MUC5AC: variants seen among roughly 807,000 people sequenced by gnomAD.
MUC5AC encodes the protein mucin-5AC.
In MUC5AC, 158 loss-of-function variants were observed where a neutral mutation model predicts 169.7. The ratio of observed to expected loss-of-function variants is 0.93; its 90% CI spans 0.82 to 1.06. MUC5AC has a LOEUF of 1.06. Ranked by LOEUF, MUC5AC falls within the 50% of genes least tolerant of loss-of-function variation. MUC5AC has a pLI of 0.00. For missense variants in MUC5AC, 4,359 were observed against 3,089.9 expected (o/e 1.41, Z -9.74); for synonymous variants, 1,975 against 1,237.0 (o/e 1.60, Z -12.52).
rs1223473206 is a variant in MUC5AC at position 1,183,902 on chromosome 11, G to A, written c.5757G>A (p.Pro1919=). 1.6e-4 allele frequency: 66 copies of A among 401,378 alleles called. 2 individuals are homozygous for A. In the Admixed American group the frequency reaches 2.4e-3, roughly 15 times the overall value. The allele number at this position is 401,378 out of a possible 1,614,324, so 24.9% of individuals were successfully genotyped here. ...TFSTPSPPPV[P]ATSTSSMSTT... ...CAACTCCCAGCCCTCCGCCAGTGCC[G>A]GCAACATCAACATCATCCATGTCGA... Residue 1919 remains proline (P), a synonymous_variant, in exon 31 of 49, where the codon CCG becomes CCA. Transcript: ENST00000621226.
chr11:1,183,969 C>T lies in MUC5AC; in HGVS notation c.5824C>T (p.Pro1942Ser). The change falls in exon 31 of 49, where the codon CCC becomes TCC. Residue 1942 changes from proline (P) to serine (S), a missense_variant. Transcript: ENST00000621226. ...GTSVVSSKPTPTEPSTSSCLQ... is the reference protein window; with the variant it reads ...GTSVVSSKPTSTEPSTSSCLQ... ...CTCTGTGGTCTCCAGCAAGCCCACC[C>T]CCACGGAGCCCAGCACATCCTCCTG... 2.5e-6 allele frequency: 1 copy of T among 395,266 alleles called. No individual in the cohort carries two copies. Among genetic ancestry groups the T allele is most frequent in the East Asian group, 3.6e-5 (1 of 27,986 alleles). The allele number at this position is 395,266 out of a possible 1,614,324, so 24.5% of individuals were successfully genotyped here.
chr11:1,187,446 A>G lies in MUC5AC; in HGVS notation c.9301A>G (p.Thr3101Ala). ...AATCTCGGCCCCAACAACCAGCACA[A>G]CGTCTGCTCCTACAACCAGCACAAC... ...STISAPTTST[T>A]SAPTTSTTSA... Residue 3101 changes from threonine (T) to alanine (A), a missense_variant, in exon 31 of 49, where the codon ACG becomes GCG. By Grantham distance (58) the Thr-to-Ala change is moderately conservative. Coordinates refer to ENST00000621226, the MANE Select transcript of MUC5AC (RefSeq NM_001304359.2). 1.4e-6 allele frequency: 1 copy of G among 729,174 alleles called. No individual in the cohort carries two copies. Among genetic ancestry groups the G allele is most frequent in the Non-Finnish European group, 2.5e-6 (1 of 400,144 alleles). 45.2% of individuals were successfully genotyped at this position (729,174 alleles called of 1,614,324 possible).
At chr11:1,175,376 T>TCCA in intron 19 of MUC5AC, 106 bp downstream of exon 19, 1 of 398,194 alleles carries the variant, frequency 2.5e-6, no homozygotes, top group Non-Finnish European at 4.4e-6. Flanking sequence ...GCGGGGCTGG[T>TCCA]GGTTGTCCAT....
In MUC5AC at chr11:1,196,908, G is replaced by A. The variant is rs781295302; in HGVS notation, c.15861G>A (p.Lys5287=). 2 of 762,980 alleles carry A rather than the reference G, an allele frequency of 2.6e-6. No homozygotes were observed. The highest frequency in any genetic ancestry group is 1.4e-5 in the South Asian group (1 of 73,964). The allele number at this position is 762,980 out of a possible 1,614,324, so 47.3% of individuals were successfully genotyped here. A position where few individuals can be genotyped will look rare whatever the true frequency, so the allele number is the denominator to read the frequency against. The part of the protein sequence containing the change: ...RCLGPHGEPV[K]VGHTVGMDCQ... The stretch of plus-strand genomic sequence containing the variant: ...TGGGGCCCCACGGAGAGCCGGTGAA[G>A]GTGAGTGGAAGGCATGGCCCAAGAG... The change falls in exon 40 of 49, where the codon AAG becomes AAA. Residue 5287 remains lysine (K), a splice_region_variant and synonymous_variant. Coordinates refer to ENST00000621226, the MANE Select transcript of MUC5AC (RefSeq NM_001304359.2).
intron 15 of MUC5AC, among the ~76,000 whole-genome samples, chr11:1,170,190 T>C (rs1388701921): frequency 1.1e-4 from 2 of 17,830 alleles, no homozygotes; most frequent in Non-Finnish European, 1.0e-4. Flanking sequence ...CATTCACCCA[T>C]TCACTCACTC....
chr11:1,175,900 C>T (rs1329514786), intron 19 of MUC5AC, among the ~76,000 whole-genome samples: 3 of 143,232 alleles, frequency 2.1e-5, no homozygotes, highest in Non-Finnish European at 4.5e-5. Context: ...CACACACCCA[C>T]ACATGCACAC....
intron 23 of MUC5AC, 26 bp from the exon 24 acceptor site, chr11:1,177,428 G>T (rs1860714624): frequency 5.0e-6 from 2 of 400,480 alleles, no homozygotes; most frequent in Non-Finnish European, 8.8e-6. Context: ...CTTGCTGGGG[G>T]CCCTGAGTGA....
chr11:1,160,663 T>C lies in MUC5AC; in HGVS notation c.125T>C (p.Leu42Pro), dbSNP rs1860114360. The change falls in exon 2 of 49, where the codon CTC becomes CCC. Residue 42 changes from leucine to proline, a missense_variant. Leu to Pro is a moderately conservative substitution (Grantham distance 98). Transcript: ENST00000621226. Reference sequence around the variant, plus strand: ...TCCAGCTACAAGCACCACCCTGCCCTCTCTCCTATCGCCCGGGGGCCCAGC... The same window carrying C: ...TCCAGCTACAAGCACCACCCTGCCCCCTCTCCTATCGCCCGGGGGCCCAGC... The part of the protein sequence containing the change: ...SESSYKHHPA[L>P]SPIARGPSGV... The C allele has an allele frequency of 1.2e-6, 2 of 1,610,638 alleles. No homozygotes were observed. The highest frequency in any genetic ancestry group is 1.7e-6 in the Non-Finnish European group (2 of 1,179,594).
At chr11:1,170,435 A>C (rs1316211244) in intron 15 of MUC5AC, among the ~76,000 whole-genome samples, 1 of 129,926 alleles carries the variant, frequency 7.7e-6, no homozygotes, top group Non-Finnish European at 1.7e-5. Flanking sequence ...CCATTCACCC[A>C]TTCACCCACT....
rs377706617 is a variant in MUC5AC at position 1,192,416 on chromosome 11, C to A, written c.14271C>A (p.Ser4757=). Residue 4757 remains serine, a synonymous_variant, in exon 31 of 49, where the codon TCC becomes TCA. Transcript: ENST00000621226. ...LYPSLSTSMV[S]ASVASTSVAS... ...CTTCCCTGTCTACTTCCATGGTATC[C>A]GCCTCCGTGGCATCCACCTCTGTGG... 1 of 765,032 alleles carries A rather than the reference C, an allele frequency of 1.3e-6. No individual in the cohort carries two copies. The allele number at this position is 765,032 out of a possible 1,614,324, so 47.4% of individuals were successfully genotyped here. A position where few individuals can be genotyped will look rare whatever the true frequency, so the allele number is the denominator to read the frequency against.
rs1366904924 is a variant in MUC5AC at position 1,190,186 on chromosome 11, A to G, written c.12041A>G (p.His4014Arg). The G allele has an allele frequency of 7.1e-4, 540 of 764,376 alleles. No individual in the cohort carries two copies. In the African/African-American group the frequency reaches 7.8e-3, roughly 11 times the overall value. 47.3% of individuals were successfully genotyped at this position (764,376 alleles called of 1,614,324 possible). The part of the protein sequence containing the change: ...AESHPEVSIE[H>R]LGQVVQCSRE... ...AGCCACCCGGAGGTGAGCATCGAAC[A>G]CCTGGGCCAGGTGGTGCAGTGCAGC... Residue 4014 changes from histidine to arginine, a missense_variant, in exon 31 of 49, where the codon CAC becomes CGC. Transcript: ENST00000621226.
At chr11:1,168,431 T>A (rs1860395919) in intron 12 of MUC5AC, 52 bp from the exon 13 acceptor site, 4 of 1,559,550 alleles carry the variant, frequency 2.6e-6, no homozygotes, top group Non-Finnish European at 3.5e-6. Context: ...TCCGCGGGGC[T>A]GAGGTGCCGC....
In MUC5AC at chr11:1,189,627, A is replaced by G; in HGVS notation, c.11482A>G (p.Thr3828Ala). 1.6e-6 allele frequency: 1 copy of G among 622,700 alleles called. No individual in the cohort carries two copies. The highest frequency in any genetic ancestry group is 2.9e-6 in the Non-Finnish European group (1 of 350,372). The allele number at this position is 622,700 out of a possible 1,614,324, so 38.6% of individuals were successfully genotyped here. A position where few individuals can be genotyped will look rare whatever the true frequency, so the allele number is the denominator to read the frequency against. Residue 3828 changes from threonine to alanine, a missense_variant, in exon 31 of 49, where the codon ACA becomes GCA. Transcript: ENST00000621226. ...TPQTSTTSSPTTSTTSAPTTS... is the reference protein window; with the variant it reads ...TPQTSTTSSPATSTTSAPTTS... ...GCAGACCAGCACAACCTCTTCCCCTACAACTAGCACAACCTCAGCTCCTAC... is the reference window on the plus strand; with the variant it reads ...GCAGACCAGCACAACCTCTTCCCCTGCAACTAGCACAACCTCAGCTCCTAC...
At position 1,192,934 on chromosome 11, in the gene MUC5AC, C is replaced by G. The variant is rs368614487; in HGVS notation, c.14532C>G (p.Ser4844=). 2.7e-6 allele frequency: 2 copies of G among 754,458 alleles called. No individual in the cohort carries two copies. The highest frequency in any genetic ancestry group is 4.8e-6 in the Non-Finnish European group (2 of 412,654). 46.7% of individuals were successfully genotyped at this position (754,458 alleles called of 1,614,324 possible). A position where few individuals can be genotyped will look rare whatever the true frequency, so the allele number is the denominator to read the frequency against. Residue 4844 remains serine (S), a synonymous_variant, in exon 32 of 49, where the codon TCC becomes TCG. Coordinates refer to ENST00000621226, the MANE Select transcript of MUC5AC (RefSeq NM_001304359.2). ...APATSPSIST[S]EPVTELGCPN... is the part of the protein sequence containing the mutation. ...CCACGTCCCCTTCAATATCCACCTC[C>G]GAGCCCGTCACTGAGCTGGGATGCC...
At chr11:1,175,724 C>T (rs1301668455) in intron 19 of MUC5AC, among the ~76,000 whole-genome samples, 8 of 123,792 alleles carry the variant, frequency 6.5e-5, no homozygotes, top group Non-Finnish European at 1.2e-4. Context: ...GCTCACACAC[C>T]CACTCATGCA....
rs140281453 is a variant in MUC5AC, at chr11:1,199,578, G to C, written c.16515+88G>C. ...TGTGATCATCCCTGCAGCGCCAGCA[G>C]ACACCCCCTCCTGCTTGGGGCTGTC... On this transcript the variant is annotated intron_variant, in intron 46 of 48. Transcript: ENST00000621226. 614 of 692,466 alleles carry C rather than the reference G, an allele frequency of 8.9e-4. 6 individuals carry two copies. The African/African-American group carries it at 9.3e-3, about 10-fold the overall frequency. The allele number at this position is 692,466 out of a possible 1,614,324, so 42.9% of individuals were successfully genotyped here. A position where few individuals can be genotyped will look rare whatever the true frequency, so the allele number is the denominator to read the frequency against.
intron 9 of MUC5AC, among the ~76,000 whole-genome samples, 191 bp from the exon 10 acceptor site, chr11:1,165,111 C>T (rs1189844532): frequency 2.7e-5 from 4 of 147,044 alleles, no homozygotes; most frequent in African/African-American, 1.0e-4. Flanking sequence ...CTGGCTGAGG[C>T]CCCTGTCCCG....
rs748156307 is a variant in MUC5AC, at chr11:1,192,879, G to C, written c.14477G>C (p.Cys4826Ser). The change falls in exon 32 of 49, where the codon TGT becomes TCT. Residue 4826 changes from cysteine to serine, a missense_variant. Cys to Ser is a moderately radical substitution (Grantham distance 112). Transcript: ENST00000621226. ...GTGGTCAGAGGGGTTGACAGTGACT[G>C]TCCGTCCACCACGCTGCCTCCTGCC... ...CQVVRGVDSD[C>S]PSTTLPPAPA... 1.3e-6 allele frequency: 1 copy of C among 764,634 alleles called. No individual in the cohort carries two copies. The highest frequency in any genetic ancestry group is 1.7e-5 in the African/African-American group (1 of 59,070). The allele number at this position is 764,634 out of a possible 1,614,324, so 47.4% of individuals were successfully genotyped here.
Position 1,191,115 on chromosome 11 carries a change from G to A in MUC5AC, c.12970G>A (p.Val4324Ile). The A allele has an allele frequency of 5.7e-6, 4 of 698,656 alleles. No individual in the cohort carries two copies. The highest frequency in any genetic ancestry group is 7.9e-6 in the Non-Finnish European group (3 of 378,718). 43.3% of individuals were successfully genotyped at this position (698,656 alleles called of 1,614,324 possible). The change falls in exon 31 of 49, where the codon GTT becomes ATT. Residue 4324 changes from valine (V) to isoleucine (I), a missense_variant. Coordinates refer to ENST00000621226, the MANE Select transcript of MUC5AC (RefSeq NM_001304359.2). ...TSGPGTTPSP[V>I]PTTSTTSAPI... ...TGGTCCTGGAACTACTCCCAGCCCT[G>A]TTCCCACCACCAGCACAACCTCTGC...
Sources: allele counts gnomAD v4.1 joint callset (sites outside exome capture counted in the v4.1 genomes callset), GRCh38; gene constraint gnomAD v4.1.1; transcripts MANE v1.5; gene names NCBI Gene and HGNC (gene_info 2026-07-23, HGNC 2026-07-21).